The following RLF variants were observed in gnomAD, a reference collection of about 807,000 sequenced individuals.
RLF encodes the protein RLF zinc finger, also known as zinc finger protein Rlf.
In RLF, 7 loss-of-function variants were observed where a neutral mutation model predicts 162.9. That is an observed-to-expected ratio of 0.04 (90% CI 0.02 to 0.08). RLF has a LOEUF of 0.08. Among genes scored for constraint, RLF ranks in the 10% least tolerant of loss-of-function variants. The probability of loss-of-function intolerance (pLI) is 1.00; values close to 1 mark genes in which losing one functional copy is unlikely to be tolerated. For missense variants in RLF, 1,664 were observed against 2,244.7 expected, an observed-to-expected ratio of 0.74 and a Z score of 5.23; for synonymous variants, 782 against 791.5, an observed-to-expected ratio of 0.99 and a Z score of 0.20.
At chr1:40,200,388 A>C (rs1642695749) in intron 4 of RLF, among the ~76,000 whole-genome samples, 1 of 151,698 alleles carries the variant, frequency 6.6e-6, no homozygotes, top group South Asian at 2.1e-4. Context: ...CATGTTTCAG[A>C]TTACCTGTAT....
chr1:40,163,337 G>T (rs1217233592), intron 1 of RLF, among the ~76,000 whole-genome samples: 1 of 152,114 alleles, frequency 6.6e-6, no homozygotes, highest in Non-Finnish European at 1.5e-5. Flanking sequence ...GAGGGGTGGT[G>T]CAGGAAAACA....
At chr1:40,191,898 G>A (rs962962842) in intron 3 of RLF, among the ~76,000 whole-genome samples, 1 of 152,188 alleles carries the variant, frequency 6.6e-6, no homozygotes, top group Non-Finnish European at 1.5e-5. Flanking sequence ...GTGAAGAGAG[G>A]TTAATTAGCT....
At chr1:40,201,189 G>T (rs572325381) in intron 4 of RLF, among the ~76,000 whole-genome samples, 1 of 149,834 alleles carries the variant, frequency 6.7e-6, no homozygotes, top group Non-Finnish European at 1.5e-5. Flanking sequence ...GCACTTTCAA[G>T]TCTGAGAGAT....
intron 6 of RLF, among the ~76,000 whole-genome samples, chr1:40,225,574 G>A (rs1643058661): frequency 1.1e-5 from 1 of 91,114 alleles, no homozygotes. Context: ...GCAAGACTCT[G>A]TCTCAAAAAA....
chr1:40,224,980 A>G (rs1643049595), intron 6 of RLF, among the ~76,000 whole-genome samples: 1 of 151,918 alleles, frequency 6.6e-6, no homozygotes. Context: ...CGTCTCAAAA[A>G]CAAAAAACAA....
At chr1:40,174,549 A>G (rs747750235) in intron 1 of RLF, among the ~76,000 whole-genome samples, 25 of 152,186 alleles carry the variant, frequency 1.6e-4, no homozygotes, top group Admixed American at 3.9e-4. Flanking sequence ...TGTTTGCTAT[A>G]TAAGATTCAT....
At position 40,190,763 on chromosome 1, in the gene RLF, T is replaced by C; in HGVS notation, c.393-9T>C. ...ACCACCTTTATATACTTACTCATTTTTATTGTAGGAGTTGTTTCGAATTAC... is the reference window on the plus strand; with the variant it reads ...ACCACCTTTATATACTTACTCATTTCTATTGTAGGAGTTGTTTCGAATTAC... On this transcript the variant is annotated splice_polypyrimidine_tract_variant and intron_variant, in intron 2 of 7. Transcript: ENST00000372771. 1.3e-6 allele frequency: 2 copies of C among 1,588,172 alleles called. No individual in the cohort carries two copies. Among genetic ancestry groups the C allele is most frequent in the Non-Finnish European group, 1.7e-6 (2 of 1,157,530 alleles).
chr1:40,184,124 T>C (rs1642441524), intron 1 of RLF, among the ~76,000 whole-genome samples: 1 of 152,184 alleles, frequency 6.6e-6, no homozygotes, highest in Non-Finnish European at 1.5e-5. Context: ...GTAGTCATGC[T>C]TATTAAAGAA....
At chr1:40,201,481 CCGGGCATGGTGG>C (rs1642719112) in intron 4 of RLF, among the ~76,000 whole-genome samples, 1 of 151,760 alleles carries the variant, frequency 6.6e-6, no homozygotes, top group Non-Finnish European at 1.5e-5. Flanking sequence ...AATAAATTAG[CCGGGCATGGTGG>C]CGGGCACCTG....
intron 5 of RLF, among the ~76,000 whole-genome samples, chr1:40,218,099 C>G (rs994839548): frequency 6.6e-6 from 1 of 152,184 alleles, no homozygotes; most frequent in Non-Finnish European, 1.5e-5. Flanking sequence ...CAAGTGATTT[C>G]TTTTGGATGT....
At chr1:40,166,438 C>T (rs1449462537) in intron 1 of RLF, among the ~76,000 whole-genome samples, 7 of 151,994 alleles carry the variant, frequency 4.6e-5, no homozygotes, top group East Asian at 3.9e-4. Context: ...GACAGTGTGG[C>T]GATTCCTCAA....
intron 6 of RLF, among the ~76,000 whole-genome samples, chr1:40,226,364 T>C (rs1314654915): frequency 1.3e-5 from 2 of 152,194 alleles, no homozygotes; most frequent in African/African-American, 4.8e-5. Context: ...AGAGGTGTAA[T>C]TACGGCAGCC....
chr1:40,237,674 A>G lies in RLF; in HGVS notation c.2972A>G (p.Lys991Arg), dbSNP rs1021133241. 3 of 1,614,176 alleles carry G rather than the reference A, an allele frequency of 1.9e-6. No individual in the cohort carries two copies. The highest frequency in any genetic ancestry group is 1.3e-5 in the African/African-American group (1 of 75,054). Residue 991 changes from lysine to arginine, a missense_variant, in exon 8 of 8, where the codon AAA becomes AGA. Around this residue, in one of 15 missense-constraint regions of RLF, gnomAD observed 295 missense variants for 317.4 expected, o/e 0.93. Coordinates refer to ENST00000372771, the MANE Select transcript of RLF (RefSeq NM_012421.4). This position sits in a 1 kb window ranked among gnomAD's most constrained non-coding sequence, Gnocchi z 4.4. ...TTCAAGCCCAAAAAGATAAAGACGAAAGATCTGTTTCCCTCTTTGGGTAAT... is the reference window on the plus strand; with the variant it reads ...TTCAAGCCCAAAAAGATAAAGACGAGAGATCTGTTTCCCTCTTTGGGTAAT... ...YHFKPKKIKT[K>R]DLFPSLGNEH...
intron 4 of RLF, among the ~76,000 whole-genome samples, chr1:40,200,021 T>C (rs1366505648): frequency 1.3e-5 from 2 of 152,200 alleles, no homozygotes; most frequent in Admixed American, 1.3e-4. Flanking sequence ...GAGTTCATCT[T>C]GTGGAATTTA....
chr1:40,164,907 A>G (rs1642144953), intron 1 of RLF, among the ~76,000 whole-genome samples: 1 of 148,854 alleles, frequency 6.7e-6, no homozygotes, highest in South Asian at 2.1e-4. Flanking sequence ...TAAGTACTCC[A>G]TTAAAATTTC....
chr1:40,187,632 G>A (rs1642499809), intron 1 of RLF, among the ~76,000 whole-genome samples: 1 of 152,102 alleles, frequency 6.6e-6, no homozygotes, highest in Non-Finnish European at 1.5e-5. Flanking sequence ...ATCAGATAAT[G>A]CAATATATTA....
chr1:40,182,650 G>A (rs2124531520), intron 1 of RLF, among the ~76,000 whole-genome samples: 1 of 152,172 alleles, frequency 6.6e-6, no homozygotes. Context: ...AAATCCTGTG[G>A]CAGAATCGGT....
chr1:40,189,154 C>G lies in RLF; in HGVS notation c.337C>G (p.Pro113Ala). ...CATCCAAAGCTTTGCCAGTGCACGT[C>G]CATACTTAACTACTGAATGTGAAGA... is the stretch of plus-strand genomic sequence containing the variant. ...LAIQSFASAR[P>A]YLTTECEDVL... is the part of the protein sequence containing the mutation. Residue 113 changes from proline (P) to alanine (A), a missense_variant, in exon 2 of 8, where the codon CCA becomes GCA. Coordinates refer to ENST00000372771, the MANE Select transcript of RLF (RefSeq NM_012421.4). The G allele has an allele frequency of 6.2e-7, 1 of 1,613,882 alleles. No individual in the cohort carries two copies. The highest frequency in any genetic ancestry group is 8.5e-7 in the Non-Finnish European group (1 of 1,179,836).
At chr1:40,191,999 C>T (rs1046490490) in intron 3 of RLF, among the ~76,000 whole-genome samples, 1 of 152,140 alleles carries the variant, frequency 6.6e-6, no homozygotes, top group Non-Finnish European at 1.5e-5. Context: ...CATGGAGGCA[C>T]AAATAAAGAC....
Sources: allele counts gnomAD v4.1 joint callset (sites outside exome capture counted in the v4.1 genomes callset), GRCh38; gene constraint gnomAD v4.1.1; regional missense constraint gnomAD v4.1.1; non-coding constraint Gnocchi (gnomAD v3.1); transcripts MANE v1.5; gene names NCBI Gene and HGNC (gene_info 2026-07-23, HGNC 2026-07-21).